LIMS1: variants seen among roughly 807,000 people sequenced by gnomAD.
The protein encoded by LIMS1 is LIM zinc finger domain containing 1.
LIMS1 carries 18 observed loss-of-function variants against 44.1 expected under a neutral mutation model. That is an observed-to-expected ratio of 0.41 (90% CI 0.28 to 0.61). LIMS1 has a LOEUF of 0.61. Ranked by LOEUF, LIMS1 falls within the 20% of genes least tolerant of loss-of-function variation. The pLI, the probability that LIMS1 is intolerant of heterozygous loss-of-function variation, is 0.32. For missense variants in LIMS1, 201 were observed against 422.0 expected (o/e 0.48, Z 4.59); for synonymous variants, 93 against 149.1 (o/e 0.62, Z 2.74).
At chr2:108,574,845 A>T (rs895919666) in intron 1 of LIMS1, among the ~76,000 whole-genome samples, 1 of 151,914 alleles carries the variant, frequency 6.6e-6, no homozygotes, top group Admixed American at 6.6e-5. Context: ...AAGCTTTTGG[A>T]GATTGGTCAT....
Position 108,544,432 on chromosome 2 carries a change from CAT to C in LIMS1, c.32+9842_32+9843del, listed in dbSNP as rs541781109. ...ATTTTTTATTATGGAGGATTTCAAA[CAT>C]ATACAAAAATACAGAGAATAATATG... On this transcript the variant is annotated intron_variant, in intron 1 of 9. Coordinates refer to ENST00000544547, the Ensembl canonical transcript of LIMS1. Among the ~76,000 whole-genome samples, 42 of 152,272 alleles carry C rather than the reference CAT, an allele frequency of 2.8e-4. 1 individual carries two copies. In the South Asian group the frequency reaches 7.9e-3, roughly 29 times the overall value.
intron 1 of LIMS1, among the ~76,000 whole-genome samples, chr2:108,580,428 A>T (rs1685841843): frequency 2.0e-5 from 3 of 152,156 alleles, no homozygotes; most frequent in Admixed American, 2.0e-4. Flanking sequence ...GGACAACTAG[A>T]TCTGTTACCT....
intron 1 of LIMS1, among the ~76,000 whole-genome samples, chr2:108,562,314 C>T (rs1302429934): frequency 1.3e-5 from 2 of 152,090 alleles, no homozygotes; most frequent in African/African-American, 4.8e-5. Context: ...AAATCAAAAG[C>T]GAGAAACAAG....
intron 1 of LIMS1, among the ~76,000 whole-genome samples, chr2:108,629,954 A>G (rs1285534179): frequency 1.3e-5 from 2 of 152,222 alleles, no homozygotes; most frequent in Non-Finnish European, 2.9e-5. Context: ...GCACTTTGGG[A>G]GGCCAAGCCG....
chr2:108,668,021 A>C (rs1691905835), intron 2 of LIMS1, among the ~76,000 whole-genome samples: 1 of 152,124 alleles, frequency 6.6e-6, no homozygotes, highest in South Asian at 2.1e-4. Context: ...CCAAGGATGC[A>C]GACCCAGCAG....
intron 2 of LIMS1, among the ~76,000 whole-genome samples, chr2:108,664,462 C>T (rs1573590624): frequency 6.6e-6 from 1 of 152,302 alleles, no homozygotes; most frequent in South Asian, 2.1e-4. Flanking sequence ...GTTCTTAAGG[C>T]ATTTTGTTTA....
rs1211309165 is a variant in LIMS1, at chr2:108,630,208, AAAAAAAAG to A, written c.33-29393_33-29386del. Among the ~76,000 whole-genome samples the A allele has an allele frequency of 3.4e-3, 485 of 143,136 alleles. 1 individual carries two copies. The highest frequency in any genetic ancestry group is 0.011 in the African/African-American group (419 of 39,410). 93.9% of individuals were successfully genotyped at this position (143,136 alleles called of 152,430 possible). A position where few individuals can be genotyped will look rare whatever the true frequency, so the allele number is the denominator to read the frequency against. ...ACCCTGTCTCAAAAAAAAAAAAAAA[AAAAAAAAG>A]AAAGAAAAGAAAACCAGAAGACAGC... On this transcript the variant is annotated intron_variant, in intron 1 of 9. Coordinates refer to ENST00000544547, the Ensembl canonical transcript of LIMS1.
At chr2:108,607,996 C>T (rs1360996733) in intron 1 of LIMS1, among the ~76,000 whole-genome samples, 1 of 152,138 alleles carries the variant, frequency 6.6e-6, no homozygotes, top group Non-Finnish European at 1.5e-5. Context: ...ATCTTTCCTT[C>T]TTTTAAAAAT....
At chr2:108,623,410 T>G in intron 1 of LIMS1, among the ~76,000 whole-genome samples, 1 of 152,132 alleles carries the variant, frequency 6.6e-6, no homozygotes, top group Non-Finnish European at 1.5e-5. Context: ...TTTATTCTTT[T>G]TTTAAAAAAA....
At chr2:108,590,611 A>G (rs1476009650) in intron 1 of LIMS1, among the ~76,000 whole-genome samples, 4 of 152,242 alleles carry the variant, frequency 2.6e-5, no homozygotes, top group East Asian at 1.9e-4. Context: ...AGACGGCACC[A>G]TGGAGGTAGT....
exon 10 of LIMS1, chr2:108,684,237 C>CA (rs988857137): frequency 0.019 from 3,382 of 180,244 alleles, no homozygotes; most frequent in Middle Eastern, 0.045. Context: ...AGACTGTTTA[C>CA]AAAAAAAAAA....
chr2:108,568,007 G>A (rs899551151), intron 1 of LIMS1, among the ~76,000 whole-genome samples: 6 of 152,316 alleles, frequency 3.9e-5, no homozygotes, highest in African/African-American at 1.2e-4. Context: ...CAAAAATTGG[G>A]TAAATGGTTA....
chr2:108,576,351 C>T (rs1218958720), intron 1 of LIMS1, among the ~76,000 whole-genome samples: 1 of 152,122 alleles, frequency 6.6e-6, no homozygotes, highest in Non-Finnish European at 1.5e-5. Context: ...AATCCTCCTG[C>T]CTCAGCCTTC....
At chr2:108,564,113 A>T (rs1685215178) in intron 1 of LIMS1, among the ~76,000 whole-genome samples, 1 of 151,526 alleles carries the variant, frequency 6.6e-6, no homozygotes, top group African/African-American at 2.4e-5. Context: ...TTCAATTGCC[A>T]CAGCCACCCC....
chr2:108,582,894 T>C (rs935715282), intron 1 of LIMS1, among the ~76,000 whole-genome samples: 3 of 152,228 alleles, frequency 2.0e-5, no homozygotes, highest in South Asian at 2.1e-4. Flanking sequence ...GCTTGGACTT[T>C]ATGCTTTATT....
chr2:108,574,396 G>A (rs1197104352), intron 1 of LIMS1, among the ~76,000 whole-genome samples: 1 of 152,212 alleles, frequency 6.6e-6, no homozygotes, highest in Admixed American at 6.5e-5. Context: ...GTATTTGACA[G>A]CAGCATTTGC....
chr2:108,621,342 T>C (rs757758650), intron 1 of LIMS1: 52 of 1,550,440 alleles, frequency 3.4e-5, no homozygotes, highest in Non-Finnish European at 4.3e-5. Flanking sequence ...GCAATTGATG[T>C]GTGGAGAGAA....
At chr2:108,553,596 C>G (rs1684830038) in intron 1 of LIMS1, among the ~76,000 whole-genome samples, 1 of 152,192 alleles carries the variant, frequency 6.6e-6, no homozygotes, top group Non-Finnish European at 1.5e-5. Context: ...GTGGTCTTCT[C>G]TTTGCTTGGA....
exon 1 of LIMS1, chr2:108,534,480 C>T (rs1207972401): frequency 1.4e-5 from 15 of 1,089,912 alleles, no homozygotes; most frequent in African/African-American, 1.7e-5. Context: ...AGTAGCCGGC[C>T]GCGGCGGCGA....
Sources: allele counts gnomAD v4.1 joint callset (sites outside exome capture counted in the v4.1 genomes callset), GRCh38; gene constraint gnomAD v4.1.1; transcripts MANE v1.5; gene names NCBI Gene and HGNC (gene_info 2026-07-23, HGNC 2026-07-21).